GPR161: variants seen among roughly 807,000 people sequenced by gnomAD.
GPR161 encodes the protein G protein-coupled receptor 161.
In GPR161, 25 loss-of-function variants were observed where a neutral mutation model predicts 39.2. The ratio of observed to expected loss-of-function variants is 0.64; its 90% CI spans 0.47 to 0.89. GPR161 has a LOEUF of 0.89. Ranked by LOEUF, GPR161 falls within the 40% of genes least tolerant of loss-of-function variation. The pLI, the probability that GPR161 is intolerant of heterozygous loss-of-function variation, is 0.00. For missense variants in GPR161, 547 were observed against 677.8 expected (o/e 0.81, Z 2.14); for synonymous variants, 286 against 276.6 (o/e 1.03, Z -0.34).
chr1:168,100,602 C>G (rs3767479), intron 2 of GPR161, among the ~76,000 whole-genome samples: 1 of 151,960 alleles, frequency 6.6e-6, no homozygotes, highest in African/African-American at 2.4e-5. Context: ...ACAAGACCAG[C>G]CACTTTGACA....
chr1:168,125,616 TCCC>T (rs538405258), intron 1 of GPR161, among the ~76,000 whole-genome samples: 2 of 139,448 alleles, frequency 1.4e-5, no homozygotes, highest in African/African-American at 5.8e-5. Flanking sequence ...CTATCTTGCT[TCCC>T]CCCCCTTTTT....
rs1003503399 is a variant in GPR161 at position 168,082,977 on chromosome 1, C to T, written c.*2554G>A. The T allele has an allele frequency of 3.9e-5, 6 of 152,200 alleles. No individual in the cohort carries two copies. 9.4% of individuals were successfully genotyped at this position (152,200 alleles called of 1,614,324 possible). A position where few individuals can be genotyped will look rare whatever the true frequency, so the allele number is the denominator to read the frequency against. ...GGAAAATATGGTTCTAGCTGCCAAG[C>T]ATCCTTCAAGACTTAGCTCAAACTG... is the stretch of plus-strand genomic sequence containing the variant. On this transcript the variant is annotated 3_prime_UTR_variant, in exon 6 of 6. Coordinates refer to ENST00000682931, the MANE Select transcript of GPR161 (RefSeq NM_001375883.1).
intron 1 of GPR161, among the ~76,000 whole-genome samples, chr1:168,126,170 T>C (rs1558137808): frequency 6.6e-6 from 1 of 152,208 alleles, no homozygotes; most frequent in Non-Finnish European, 1.5e-5. Flanking sequence ...TAACTGAGCA[T>C]TTTCTCCAGC....
Position 168,090,658 on chromosome 1 carries a change from C to T in GPR161, c.1110G>A (p.Leu370=), listed in dbSNP as rs926482557. 1.2e-6 allele frequency: 2 copies of T among 1,605,602 alleles called. No homozygotes were observed. The highest frequency in any genetic ancestry group is 1.7e-5 in the Admixed American group (1 of 59,510). ...SISNRITDLG[L]SPHLTALMAG... ...CCATGAGCGCAGTGAGGTGTGGGGA[C>T]AGGCCCAGGTCTGAAAGACAAAATT... The change falls in exon 4 of 6, where the codon CTG becomes CTA. Residue 370 remains leucine, a synonymous_variant. Transcript: ENST00000682931.
At chr1:168,128,856 C>G (rs549086563) in intron 1 of GPR161, among the ~76,000 whole-genome samples, 1 of 152,306 alleles carries the variant, frequency 6.6e-6, no homozygotes, top group African/African-American at 2.4e-5. Context: ...TGTCCCCTCC[C>G]TCCCTCACCA....
chr1:168,107,236 A>G (rs572324751), intron 1 of GPR161, among the ~76,000 whole-genome samples: 2 of 152,308 alleles, frequency 1.3e-5, no homozygotes, highest in South Asian at 2.1e-4. Context: ...GAAAAAAAAC[A>G]GATGAAAACC....
intron 2 of GPR161, among the ~76,000 whole-genome samples, chr1:168,099,836 T>TGGGG (rs201115778): frequency 9.4e-5 from 9 of 95,902 alleles, no homozygotes; most frequent in East Asian, 3.4e-4. Flanking sequence ...GTTTTTTTTT[T>TGGGG]GGGGGGGGGG....
Position 168,104,771 on chromosome 1 carries a change from A to T in GPR161, c.80T>A (p.Ile27Asn). The T allele has an allele frequency of 6.2e-7, 1 of 1,613,956 alleles. No homozygotes were observed. The highest frequency in any genetic ancestry group is 1.7e-5 in the Admixed American group (1 of 59,928). The stretch of plus-strand genomic sequence containing the variant: ...AATGATGGCGATGAACTGGGTGATG[A>T]TGACGCCCCCTTCGCCACCCTCCTC... ...TEEEGGEGGV[I>N]ITQFIAIIVI... Residue 27 changes from isoleucine (I) to asparagine (N), a missense_variant, in exon 2 of 6, where the codon ATC (isoleucine) becomes AAC (asparagine). By Grantham distance (149) the Ile-to-Asn change is moderately radical. Coordinates refer to ENST00000682931, the MANE Select transcript of GPR161 (RefSeq NM_001375883.1).
intron 1 of GPR161, chr1:168,136,480 GC>G: frequency 7.9e-7 from 1 of 1,263,372 alleles, no homozygotes; most frequent in Non-Finnish European, 1.0e-6. Flanking sequence ...CCTCTCAGAA[GC>G]CCCAGGCCGC....
rs535791878 is a variant in GPR161 at position 168,085,638 on chromosome 1, G to A, written c.1483C>T (p.Pro495Ser). ...CGGCGGCCCCCGAAGCCGCCCCCCG[G>A]GACAGTCCGTGCTGTAACCAAGACC... ...PGVLVTARTV[P>S]GGGFGGRRGS... The change falls in exon 6 of 6, where the codon CCG becomes TCG. Residue 495 changes from proline (P) to serine (S), a missense_variant. Coordinates refer to ENST00000682931, the MANE Select transcript of GPR161 (RefSeq NM_001375883.1). 2.5e-6 allele frequency: 4 copies of A among 1,614,106 alleles called. No homozygotes were observed. In the South Asian group the frequency reaches 4.4e-5, roughly 18 times the overall value.
Position 168,090,652 on chromosome 1 carries a change from TG to T in GPR161, c.1115del (p.Pro372HisfsTer34). ...CACCTGCCATGAGCGCAGTGAGGTG[TG>T]GGGACAGGCCCAGGTCTGAAAGACA... is the stretch of plus-strand genomic sequence containing the variant. ...SNRITDLGLSPHLTALMAGGQ... is the reference protein window; with the variant it reads ...SNRITDLGLSXHLTALMAGGQ... On this transcript the variant is annotated frameshift_variant, in exon 4 of 6. Coordinates refer to ENST00000682931, the MANE Select transcript of GPR161 (RefSeq NM_001375883.1). LOFTEE classifies it high-confidence loss of function. 1 of 1,608,532 alleles carries T rather than the reference TG, an allele frequency of 6.2e-7. No individual in the cohort carries two copies. Among genetic ancestry groups the T allele is most frequent in the Non-Finnish European group, 8.5e-7 (1 of 1,175,544 alleles).
upstream of GPR161, chr1:168,137,443 C>G (rs1217793405): frequency 6.7e-7 from 1 of 1,502,592 alleles, no homozygotes; most frequent in East Asian, 2.5e-5. Context: ...CTGCCAGGCT[C>G]TGTCCCGGGC....
intron 1 of GPR161, among the ~76,000 whole-genome samples, chr1:168,131,709 G>A (rs1437978786): frequency 6.6e-6 from 1 of 152,150 alleles, no homozygotes; most frequent in Non-Finnish European, 1.5e-5. Context: ...ACAAAGAAAA[G>A]TGATAGAGTT....
chr1:168,109,921 G>A (rs1047702348), intron 1 of GPR161, among the ~76,000 whole-genome samples: 3 of 152,026 alleles, frequency 2.0e-5, no homozygotes, highest in South Asian at 2.1e-4. Context: ...AGCCGAGATC[G>A]CACCACTGCA....
At chr1:168,090,255 T>C (rs1172044756) in intron 4 of GPR161, among the ~76,000 whole-genome samples, 1 of 152,156 alleles carries the variant, frequency 6.6e-6, no homozygotes, top group Non-Finnish European at 1.5e-5. Context: ...CAGTGGTTAT[T>C]ATCATCACAA....
At chr1:168,115,869 G>A (rs1311500782) in intron 1 of GPR161, among the ~76,000 whole-genome samples, 3 of 151,410 alleles carry the variant, frequency 2.0e-5, no homozygotes, top group Non-Finnish European at 2.9e-5. Flanking sequence ...TCCACCTCCC[G>A]GGTTCACGCC....
At chr1:168,089,909 C>T (rs1694888454) in intron 4 of GPR161, among the ~76,000 whole-genome samples, 1 of 152,238 alleles carries the variant, frequency 6.6e-6, no homozygotes, top group Non-Finnish European at 1.5e-5. Context: ...ATCCTTTAGG[C>T]AGAGGCTAAA....
At chr1:168,095,480 A>C (rs184281616) in intron 3 of GPR161, among the ~76,000 whole-genome samples, 1 of 152,170 alleles carries the variant, frequency 6.6e-6, no homozygotes, top group Non-Finnish European at 1.5e-5. Flanking sequence ...AAAAAGTTTT[A>C]ACAAAAAATC....
Position 168,119,243 on chromosome 1 carries a change from C to CATATATGTATATAT in GPR161, c.-44-14350_-44-14349insATATATACATATAT, listed in dbSNP as rs1356587338. ...ATATATATACGTATATATATATATA[C>CATATATGTATATAT]ACATATATATATACGTATATATATG... On this transcript the variant is annotated intron_variant, in intron 1 of 5. Coordinates refer to ENST00000682931, the MANE Select transcript of GPR161 (RefSeq NM_001375883.1). Among the ~76,000 whole-genome samples, 12 of 101,608 alleles carry CATATATGTATATAT rather than the reference C, an allele frequency of 1.2e-4. 1 individual carries two copies. The highest frequency in any genetic ancestry group is 6.1e-4 in the African/African-American group (12 of 19,666). The allele number at this position is 101,608 out of a possible 152,430, so 66.7% of individuals were successfully genotyped here.
Sources: allele counts gnomAD v4.1 joint callset (sites outside exome capture counted in the v4.1 genomes callset), GRCh38; gene constraint gnomAD v4.1.1; transcripts MANE v1.5; gene names NCBI Gene and HGNC (gene_info 2026-07-23, HGNC 2026-07-21).